The following MYO15A variants were observed in gnomAD, a reference collection of about 807,000 sequenced individuals.
MYO15A encodes the protein myosin XVA, also known as unconventional myosin-XV.
Under a neutral mutation model 394.6 loss-of-function variants are expected in MYO15A, and 308 were observed. The observed-to-expected ratio is 0.78, with a 90% CI of 0.71 to 0.86. MYO15A has a LOEUF of 0.86. Among genes scored for constraint, MYO15A ranks in the 40% least tolerant of loss-of-function variants. The pLI, the probability that MYO15A is intolerant of heterozygous loss-of-function variation, is 0.00. For synonymous variants in MYO15A, 1,957 were observed against 2,003.8 expected, an observed-to-expected ratio of 0.98 and a Z score of 0.62; for missense variants, 4,606 against 4,799.1, an observed-to-expected ratio of 0.96 and a Z score of 1.19.
At position 18,163,727 on chromosome 17, in the gene MYO15A, C is replaced by T. The variant is rs747719068; in HGVS notation, c.9691-15C>T. The T allele has an allele frequency of 6.2e-7, 1 of 1,604,958 alleles. No individual in the cohort carries two copies. Among genetic ancestry groups the T allele is most frequent in the Admixed American group, 1.7e-5 (1 of 59,286 alleles). ...CCCAACTGGCATGGCCTCATCTCTT[C>T]CGCCCCACCCCCAGGTGGCCCTGGA... is the stretch of plus-strand genomic sequence containing the variant. On this transcript the variant is annotated splice_polypyrimidine_tract_variant and intron_variant, in intron 59 of 65. Transcript: ENST00000647165.
intron 3 of MYO15A, 55 bp from the exon 4 acceptor site, chr17:18,125,112 AC>A: frequency 6.5e-7 from 1 of 1,530,172 alleles, no homozygotes; most frequent in Non-Finnish European, 9.1e-7. Flanking sequence ...GGGGAGGGAG[AC>A]CCATGCCAGA....
intron 1 of MYO15A, among the ~76,000 whole-genome samples, chr17:18,111,895 T>C (rs2045726743): frequency 6.6e-6 from 1 of 152,208 alleles, no homozygotes; most frequent in African/African-American, 2.4e-5. Flanking sequence ...GCTGCATGAC[T>C]TGCTATGGGT....
At chr17:18,175,614 C>T (rs144549912) in intron 65 of MYO15A, among the ~76,000 whole-genome samples, 71 of 152,160 alleles carry the variant, frequency 4.7e-4, no homozygotes, top group African/African-American at 1.7e-3. Flanking sequence ...AATCTCTAAA[C>T]GTTGCTGAGT....
chr17:18,159,547 T>C (rs2046743450), intron 54 of MYO15A, 59 bp from the exon 55 acceptor site: 2 of 1,558,366 alleles, frequency 1.3e-6, no homozygotes, highest in Non-Finnish European at 1.8e-6. Context: ...TGGGGCTTCC[T>C]GGGGTGGGTG....
At position 18,150,388 on chromosome 17, in the gene MYO15A, A is replaced by G; in HGVS notation, c.7213-41A>G. The G allele has an allele frequency of 1.3e-6, 2 of 1,578,236 alleles. No homozygotes were observed. The highest frequency in any genetic ancestry group is 4.5e-5 in the East Asian group (2 of 44,662). ...CCTGTTGCCATGGAACCTTGGGAGTACAATAATGAGATGGTCACTTGAGCC... is the reference window on the plus strand; with the variant it reads ...CCTGTTGCCATGGAACCTTGGGAGTGCAATAATGAGATGGTCACTTGAGCC... On this transcript the variant is annotated intron_variant, in intron 35 of 65. Coordinates refer to ENST00000647165, the MANE Select transcript of MYO15A (RefSeq NM_016239.4). This position sits in a 1 kb window ranked among gnomAD's most constrained non-coding sequence, Gnocchi z 4.4.
intron 2 of MYO15A, 22 bp downstream of exon 2, chr17:18,122,431 G>A (rs943857513): frequency 1.1e-5 from 17 of 1,606,600 alleles, no homozygotes; most frequent in Non-Finnish European, 1.3e-5. Flanking sequence ...CAGATTACAC[G>A]GAGGGTTTGA....
chr17:18,166,363 C>T lies in MYO15A; in HGVS notation c.9790C>T (p.Gln3264Ter), dbSNP rs1246052787. 1.9e-6 allele frequency: 3 copies of T among 1,612,848 alleles called. No homozygotes were observed. The highest frequency in any genetic ancestry group is 2.5e-6 in the Non-Finnish European group (3 of 1,180,024). The part of the protein sequence containing the change: ...YVIFVVTNRG[Q>*]HVCPLSRRAY... Reference sequence around the variant, plus strand: ...CCCTGCCTCCCTGCTCTCTGCAGGCCAGCATGTGTGCCCACTCAGTCGCCG... The same window carrying T: ...CCCTGCCTCCCTGCTCTCTGCAGGCTAGCATGTGTGCCCACTCAGTCGCCG... Residue 3264 changes from glutamine to a stop codon, truncating the protein, a stop_gained and splice_region_variant, in exon 61 of 66, where the codon CAG (glutamine) becomes TAG (stop). Coordinates refer to ENST00000647165, the MANE Select transcript of MYO15A (RefSeq NM_016239.4). LOFTEE classifies it high-confidence loss of function.
At chr17:18,142,604 C>T in intron 24 of MYO15A, 152 bp from the exon 25 acceptor site, 1 of 724,736 alleles carries the variant, frequency 1.4e-6, no homozygotes, top group South Asian at 1.6e-5. Context: ...CACTGCCCCT[C>T]TCTGAGCTCC....
At position 18,156,956 on chromosome 17, in the gene MYO15A, C is replaced by T. The variant is rs1239400161; in HGVS notation, c.8604C>T (p.Asp2868=). 6.2e-6 allele frequency: 10 copies of T among 1,614,022 alleles called. No homozygotes were observed. The highest frequency in any genetic ancestry group is 8.5e-6 in the Non-Finnish European group (10 of 1,180,000). Residue 2868 remains aspartate (D), a splice_region_variant and synonymous_variant, in exon 49 of 66, where the codon GAC becomes GAT. Coordinates refer to ENST00000647165, the MANE Select transcript of MYO15A (RefSeq NM_016239.4). The part of the protein sequence containing the change: ...VDDFILELKK[D]SDYVVAVRNF... ...CACCCTGCCTCTGGCTGACCCAGGA[C>T]TCTGACTACGTGGTCGCTGTGAGGA...
intron 24 of MYO15A, 48 bp downstream of exon 24, chr17:18,142,302 C>G: frequency 6.3e-7 from 1 of 1,586,536 alleles, no homozygotes; most frequent in Middle Eastern, 2.2e-4. Flanking sequence ...TGGTCAGGCT[C>G]GGGAGAGGTC....
Position 18,172,317 on chromosome 17 carries a change from A to G in MYO15A, c.10350+27A>G, listed in dbSNP as rs766746556. 6 of 1,613,992 alleles carry G rather than the reference A, an allele frequency of 3.7e-6. No individual in the cohort carries two copies. The African/African-American group carries it at 6.7e-5, about 18-fold the overall frequency. ...TGAGTGGCCTCAGCCTGGCACTGCC[A>G]TCGCCACCCTCTGTTCCCTGGTCCC... On this transcript the variant is annotated intron_variant, in intron 64 of 65. Transcript: ENST00000647165.
At position 18,119,585 on chromosome 17, in the gene MYO15A, C is replaced by G. The variant is rs746407850; in HGVS notation, c.785C>G (p.Ala262Gly). The G allele has an allele frequency of 2.5e-6, 4 of 1,604,764 alleles. No individual in the cohort carries two copies. The highest frequency in any genetic ancestry group is 3.4e-6 in the Non-Finnish European group (4 of 1,179,922). ...TACGAGGAGCAGGAACCCTACCTGG[C>G]GGGCCTCGGCCCCTACAGCCCGGCC... ...HRYEEQEPYL[A>G]GLGPYSPAWP... Residue 262 changes from alanine (A) to glycine (G), a missense_variant, in exon 2 of 66, where the codon GCG becomes GGG. Ala to Gly is a moderately conservative substitution (Grantham distance 60). Around this residue, in one of 2 missense-constraint regions of MYO15A, gnomAD observed 1,830 missense variants for 1,689.7 expected, o/e 1.08. Transcript: ENST00000647165.
In MYO15A at chr17:18,151,498, G is replaced by T. The variant is rs566210647; in HGVS notation, c.7758G>T (p.Pro2586=). The part of the protein sequence containing the change: ...IKNIVRQYQQ[P]FRGGRPEALR... ...ATATTGTCAGGCAGTACCAGCAGCC[G>T]TTCCGGGGAGGCCGGCCTGAGGCCC... The change falls in exon 40 of 66, where the codon CCG becomes CCT. Residue 2586 remains proline, a synonymous_variant. Coordinates refer to ENST00000647165, the MANE Select transcript of MYO15A (RefSeq NM_016239.4). The T allele has an allele frequency of 1.9e-6, 3 of 1,614,170 alleles. No homozygotes were observed. Among genetic ancestry groups the T allele is most frequent in the Non-Finnish European group, 2.5e-6 (3 of 1,180,038 alleles).
In MYO15A at chr17:18,124,571, T is replaced by C. The variant is rs926617866; in HGVS notation, c.3692+6T>C. 1 of 1,612,684 alleles carries C rather than the reference T, an allele frequency of 6.2e-7. No individual in the cohort carries two copies. Among genetic ancestry groups the C allele is most frequent in the Non-Finnish European group, 8.5e-7 (1 of 1,179,828 alleles). ...GAGGACATGACACAGCTGGAGTGAG[T>C]GGGCAGGGCCGGCGGGGTCAGCAAG... On this transcript the variant is annotated splice_donor_region_variant and intron_variant, in intron 3 of 65. Transcript: ENST00000647165.
In MYO15A at chr17:18,121,195, C is replaced by T. The variant is rs1336114595; in HGVS notation, c.2395C>T (p.Leu799=). 3 of 1,508,420 alleles carry T rather than the reference C, an allele frequency of 2.0e-6. No individual in the cohort carries two copies. In the Admixed American group the frequency reaches 6.0e-5, roughly 30 times the overall value. The allele number at this position is 1,508,420 out of a possible 1,614,324, so 93.4% of individuals were successfully genotyped here. The change falls in exon 2 of 66, where the codon CTG becomes TTG. Residue 799 remains leucine, a synonymous_variant. Transcript: ENST00000647165. The surrounding 1 kb of genome is among the most constrained non-coding windows in gnomAD (Gnocchi z 5.3). ...ACCCTTGGCGCCCCCGTCGCCTCAG[C>T]TGTCCTTGCGCACGGGCCCCTTCCA... ...CSPLAPPSPQ[L]SLRTGPFQPP... is the part of the protein sequence containing the mutation.
rs534044247 is a variant in MYO15A at position 18,159,539 on chromosome 17, G to A, written c.9230-67G>A. 5.1e-5 allele frequency: 81 copies of A among 1,580,872 alleles called. 1 individual carries two copies. The South Asian group carries it at 7.5e-4, about 15-fold the overall frequency. On this transcript the variant is annotated intron_variant, in intron 54 of 65. Transcript: ENST00000647165. ...GCTCCCAGGGAGGGGCTCAGCCCTGGGGCTTCCTGGGGTGGGTGGGCAACT... is the reference window on the plus strand; with the variant it reads ...GCTCCCAGGGAGGGGCTCAGCCCTGAGGCTTCCTGGGGTGGGTGGGCAACT...
intron 15 of MYO15A, 104 bp from the exon 16 acceptor site, chr17:18,137,480 T>A (rs1272885290): frequency 2.2e-6 from 2 of 925,838 alleles, no homozygotes; most frequent in Non-Finnish European, 3.5e-6. Context: ...GCTGAGGGCC[T>A]GTGGCTGAGC....
chr17:18,163,871 C>T, intron 60 of MYO15A, 33 bp downstream of exon 60: 3 of 1,601,752 alleles, frequency 1.9e-6, no homozygotes, highest in Non-Finnish European at 2.6e-6. Context: ...ATGCTGGGCC[C>T]ATTCCCATCC....
chr17:18,160,128 C>T, intron 56 of MYO15A, 111 bp downstream of exon 56: 1 of 972,602 alleles, frequency 1.0e-6, no homozygotes, highest in South Asian at 1.4e-5. Context: ...TTATCTTCCT[C>T]TCACCCTCAT....
Sources: allele counts gnomAD v4.1 joint callset (sites outside exome capture counted in the v4.1 genomes callset), GRCh38; gene constraint gnomAD v4.1.1; regional missense constraint gnomAD v4.1.1; non-coding constraint Gnocchi (gnomAD v3.1); transcripts MANE v1.5; gene names NCBI Gene and HGNC (gene_info 2026-07-23, HGNC 2026-07-21).